Variants in ZNF254 observed in about 807,000 individuals in gnomAD.
The protein encoded by ZNF254 is zinc finger protein 254.
Under a neutral mutation model 12.4 loss-of-function variants are expected in ZNF254, and 10 were observed. The ratio of observed to expected loss-of-function variants is 0.80; its 90% CI spans 0.50 to 1.36. ZNF254 has a LOEUF of 1.36. ZNF254 is among the 40% of genes most tolerant of loss of function. The pLI is 0.00. For missense variants in ZNF254, 996 were observed against 763.9 expected, an observed-to-expected ratio of 1.30 and a Z score of -3.58; for synonymous variants, 305 against 253.4, an observed-to-expected ratio of 1.20 and a Z score of -1.93.
chr19:24,046,169 T>A (rs1215089727), intron 1 of ZNF254: 1 of 151,838 alleles, frequency 6.6e-6, no homozygotes, highest in Non-Finnish European at 1.5e-5. Context: ...CATCTGACTT[T>A]TTATTAAAAA....
chr19:24,052,770 A>G (rs547273596), intron 2 of ZNF254, among the ~76,000 whole-genome samples: 28 of 152,300 alleles, frequency 1.8e-4, no homozygotes, highest in African/African-American at 6.3e-4. Context: ...CTTCTGGTCA[A>G]TCCCTATTCA....
At chr19:24,075,789 G>T (rs994689418) in intron 2 of ZNF254, among the ~76,000 whole-genome samples, 17 of 152,338 alleles carry the variant, frequency 1.1e-4, no homozygotes, top group Middle Eastern at 3.4e-3. Context: ...CGCTGCAGGA[G>T]ACCAGGGTGT....
intron 2 of ZNF254, among the ~76,000 whole-genome samples, chr19:24,074,394 A>G (rs552129398): frequency 1.3e-5 from 2 of 152,322 alleles, no homozygotes; most frequent in African/African-American, 4.8e-5. Context: ...AACCCTGCCC[A>G]TAGCAAGCAC....
At chr19:24,121,801 CTCT>C (rs1974502192) in intron 3 of ZNF254, among the ~76,000 whole-genome samples, 1 of 152,098 alleles carries the variant, frequency 6.6e-6, no homozygotes, top group Admixed American at 6.6e-5. Flanking sequence ...ATGATCCACC[CTCT>C]TCAGCCTCCC....
chr19:24,091,424 A>G (rs561872118), intron 1 of ZNF254, among the ~76,000 whole-genome samples: 31 of 152,276 alleles, frequency 2.0e-4, no homozygotes, highest in Admixed American at 1.7e-3. Context: ...GAAAACTTCA[A>G]TTCCTTTTTT....
intron 2 of ZNF254, among the ~76,000 whole-genome samples, chr19:24,070,635 G>C (rs1257300523): frequency 6.6e-6 from 1 of 152,202 alleles, no homozygotes; most frequent in Non-Finnish European, 1.5e-5. Context: ...CTCATACCTA[G>C]AATGGGAATA....
chr19:24,125,195 G>T (rs1183373926), intron 3 of ZNF254, among the ~76,000 whole-genome samples: 1 of 142,998 alleles, frequency 7.0e-6, no homozygotes, highest in African/African-American at 2.6e-5. Flanking sequence ...ATTCTAGTTT[G>T]TTTGTTGAGC....
At chr19:24,075,413 A>G (rs1340549700) in intron 2 of ZNF254, among the ~76,000 whole-genome samples, 1 of 152,242 alleles carries the variant, frequency 6.6e-6, no homozygotes, top group African/African-American at 2.4e-5. Flanking sequence ...GAAAGAGTAC[A>G]AAAGAAATAA....
intron 1 of ZNF254, among the ~76,000 whole-genome samples, chr19:24,103,440 T>C (rs1435110813): frequency 1.3e-5 from 2 of 152,136 alleles, no homozygotes; most frequent in African/African-American, 4.8e-5. Flanking sequence ...TGATAATGCT[T>C]AGGTAAGTGG....
chr19:24,089,601 G>C (rs1972244952), intron 1 of ZNF254, among the ~76,000 whole-genome samples: 1 of 152,106 alleles, frequency 6.6e-6, no homozygotes, highest in Non-Finnish European at 1.5e-5. Context: ...GTAAATATCA[G>C]CTTCTGGGTC....
intron 2 of ZNF254, among the ~76,000 whole-genome samples, chr19:24,049,735 C>T (rs62113759): frequency 0.16 from 24,204 of 152,008 alleles, 2,100 homozygotes; most frequent in Middle Eastern, 0.23. Context: ...GCCCATGTGG[C>T]CCATTGTGAC....
intron 3 of ZNF254, chr19:24,107,192 A>G: frequency 1.6e-6 from 1 of 640,130 alleles, no homozygotes; most frequent in Non-Finnish European, 2.8e-6. Flanking sequence ...TTCAAAGTTT[A>G]TTGTAGTTTC....
intron 2 of ZNF254, among the ~76,000 whole-genome samples, chr19:24,072,170 T>TC (rs1971504830): frequency 6.6e-6 from 1 of 151,618 alleles, no homozygotes; most frequent in Non-Finnish European, 1.5e-5. Flanking sequence ...TTTTTCTTTT[T>TC]CATTTTTTTT....
At chr19:24,059,669 CT>C (rs1970997366) in intron 2 of ZNF254, among the ~76,000 whole-genome samples, 1 of 152,090 alleles carries the variant, frequency 6.6e-6, no homozygotes, top group South Asian at 2.1e-4. Context: ...TGATGTAACT[CT>C]CCTGCATGGG....
intron 1 of ZNF254, among the ~76,000 whole-genome samples, chr19:24,102,424 G>T (rs548337608): frequency 6.8e-6 from 1 of 146,220 alleles, no homozygotes; most frequent in Middle Eastern, 3.5e-3. Context: ...CTTAAAAAAA[G>T]AAACATAAAA....
chr19:24,115,961 G>T (rs1019365306), intron 3 of ZNF254, among the ~76,000 whole-genome samples: 9 of 152,104 alleles, frequency 5.9e-5, no homozygotes, highest in Non-Finnish European at 8.8e-5. Flanking sequence ...ATGAAGCTTA[G>T]TTTGGCTGGA....
rs368426538 is a variant in ZNF254, at chr19:24,119,158, C to G, written c.254-7096C>G. On this transcript the variant is annotated intron_variant, in intron 3 of 3. Transcript: ENST00000357002. ...TCTTATGTCTAATTAAAAGATTTTT[C>G]CACATATGGTTTAAGGAAATAAACT... 4.4e-4 allele frequency among the ~76,000 whole-genome samples: 67 copies of G among 151,980 alleles called. No homozygotes were observed. In the South Asian group the frequency reaches 5.8e-3, roughly 13 times the overall value.
At chr19:24,048,450 C>T (rs1406192259) in intron 2 of ZNF254, among the ~76,000 whole-genome samples, 1 of 152,218 alleles carries the variant, frequency 6.6e-6, no homozygotes, top group Non-Finnish European at 1.5e-5. Flanking sequence ...TGGTCGCCAG[C>T]TTAAAATGTT....
At chr19:24,122,433 C>T (rs532168151) in intron 3 of ZNF254, among the ~76,000 whole-genome samples, 3 of 152,052 alleles carry the variant, frequency 2.0e-5, no homozygotes, top group African/African-American at 7.3e-5. Flanking sequence ...CCATCTTGGC[C>T]AGGCTGGTTT....
Sources: allele counts gnomAD v4.1 joint callset (sites outside exome capture counted in the v4.1 genomes callset), GRCh38; gene constraint gnomAD v4.1.1; transcripts MANE v1.5; gene names NCBI Gene and HGNC (gene_info 2026-07-23, HGNC 2026-07-21).